Variants in DAB1 observed in about 807,000 individuals in gnomAD.
DAB1 encodes disabled homolog 1.
In DAB1, 15 loss-of-function variants were observed where a neutral mutation model predicts 64.6. That is an observed-to-expected ratio of 0.23 (90% CI 0.16 to 0.36). The LOEUF is 0.36. Ranked by LOEUF, DAB1 falls within the 10% of genes least tolerant of loss-of-function variation. The pLI is 1.00. For missense variants in DAB1, 596 were observed against 706.7 expected, an observed-to-expected ratio of 0.84 and a Z score of 1.78; for synonymous variants, 235 against 251.9, an observed-to-expected ratio of 0.93 and a Z score of 0.64.
chr1:57,433,068 A>T (rs1311248455), intron 7 of DAB1, among the ~76,000 whole-genome samples: 1 of 152,192 alleles, frequency 6.6e-6, no homozygotes, highest in Admixed American at 6.5e-5. Context: ...ACTAAAGAAG[A>T]TCCAAATAAA....
At chr1:58,492,408 C>G (rs1410422676) in intron 3 of DAB1, among the ~76,000 whole-genome samples, 1 of 147,090 alleles carries the variant, frequency 6.8e-6, no homozygotes, top group African/African-American at 2.5e-5. Context: ...AAGAAAATAA[C>G]TAAGATCAGA....
intron 7 of DAB1, among the ~76,000 whole-genome samples, chr1:57,559,993 A>G (rs1053848486): frequency 1.3e-5 from 2 of 152,216 alleles, no homozygotes; most frequent in African/African-American, 4.8e-5. Flanking sequence ...ACAGTGGATT[A>G]TTGTAAGCTT....
At chr1:58,535,810 T>C (rs912980899) in intron 1 of DAB1, among the ~76,000 whole-genome samples, 1 of 152,122 alleles carries the variant, frequency 6.6e-6, no homozygotes, top group African/African-American at 2.4e-5. Flanking sequence ...GTAAGACTTC[T>C]AAATTATAAC....
intron 6 of DAB1, among the ~76,000 whole-genome samples, chr1:57,682,747 G>C (rs1353687482): frequency 6.6e-6 from 1 of 152,120 alleles, no homozygotes. Context: ...TTTGTGTGGG[G>C]GGAAGCTCCA....
chr1:57,374,253 C>T (rs565671319), intron 1 of DAB1, among the ~76,000 whole-genome samples: 37 of 152,254 alleles, frequency 2.4e-4, no homozygotes, highest in African/African-American at 7.2e-4. Context: ...ATAAACAAAA[C>T]ATCTTAAGAA....
At chr1:57,890,460 T>C (rs1209535276) in intron 5 of DAB1, among the ~76,000 whole-genome samples, 2 of 150,742 alleles carry the variant, frequency 1.3e-5, no homozygotes, top group Non-Finnish European at 3.0e-5. Context: ...TCTTTTCTTT[T>C]TTTTTTTTTT....
At chr1:57,522,846 G>A (rs570563799) in intron 7 of DAB1, among the ~76,000 whole-genome samples, 164 of 152,342 alleles carry the variant, frequency 1.1e-3, no homozygotes, top group Non-Finnish European at 1.8e-3. Flanking sequence ...TAGATTGGCT[G>A]AGTCTTCCGG....
At chr1:57,289,393 G>A (rs114983514) in intron 2 of DAB1, among the ~76,000 whole-genome samples, 3,849 of 152,190 alleles carry the variant, frequency 0.025, 158 homozygotes, top group African/African-American at 0.088. Context: ...TGGGCTCTGC[G>A]ACCTCTTTTT....
intron 6 of DAB1, among the ~76,000 whole-genome samples, chr1:57,698,600 C>A (rs958989083): frequency 6.6e-6 from 1 of 152,064 alleles, no homozygotes; most frequent in African/African-American, 2.4e-5. Flanking sequence ...AATCAACCTG[C>A]AATAATTGTT....
chr1:57,769,007 G>C (rs1376220276), intron 6 of DAB1, among the ~76,000 whole-genome samples: 1 of 152,006 alleles, frequency 6.6e-6, no homozygotes, highest in Non-Finnish European at 1.5e-5. Flanking sequence ...CCCTTCATCT[G>C]GGCTCACTTT....
At chr1:58,344,631 T>G (rs1365150258) in intron 3 of DAB1, among the ~76,000 whole-genome samples, 1 of 152,168 alleles carries the variant, frequency 6.6e-6, no homozygotes, top group Non-Finnish European at 1.5e-5. Flanking sequence ...ACTCTGCATA[T>G]CAAGAAGAAA....
At chr1:58,201,917 A>G (rs1186436893) in intron 4 of DAB1, among the ~76,000 whole-genome samples, 2 of 152,280 alleles carry the variant, frequency 1.3e-5, no homozygotes, top group African/African-American at 4.8e-5. Context: ...AGAGTATGGC[A>G]GTGAGGAGTG....
At chr1:57,569,905 T>C (rs1042619926) in intron 7 of DAB1, among the ~76,000 whole-genome samples, 6 of 152,308 alleles carry the variant, frequency 3.9e-5, no homozygotes, top group African/African-American at 1.4e-4. Flanking sequence ...AGGATAGTTG[T>C]ATTATGTTAG....
chr1:58,126,690 G>T (rs377521691), intron 5 of DAB1, among the ~76,000 whole-genome samples: 34 of 144,332 alleles, frequency 2.4e-4, no homozygotes, highest in Admixed American at 9.0e-4. Context: ...TTCCCACCTA[G>T]GAGTGAGAAT....
chr1:57,952,143 G>T lies in DAB1; in HGVS notation n.388-67981C>A, dbSNP rs114127614. Among the ~76,000 whole-genome samples, 16 of 151,626 alleles carry T rather than the reference G, an allele frequency of 1.1e-4. No individual in the cohort carries two copies. The South Asian group carries it at 3.3e-3, about 32-fold the overall frequency. On this transcript the variant is annotated intron_variant and non_coding_transcript_variant, in intron 5 of 20. Coordinates refer to the DAB1 transcript ENST00000485760. ...TTTTTTTTTCTTTGCCTCCAGGAAC[G>T]ACCACATGAATAAGTTCTGAACAAT...
chr1:58,454,165 A>G (rs987808368), intron 3 of DAB1, among the ~76,000 whole-genome samples: 1 of 152,190 alleles, frequency 6.6e-6, no homozygotes, highest in Non-Finnish European at 1.5e-5. Flanking sequence ...AATTGGATAA[A>G]GAACGGGATC....
chr1:57,811,607 G>T (rs1196524133), intron 6 of DAB1, among the ~76,000 whole-genome samples: 1 of 152,170 alleles, frequency 6.6e-6, no homozygotes, highest in African/African-American at 2.4e-5. Context: ...ATGTGGGAAT[G>T]GACGAATGCA....
At chr1:57,377,940 G>T (rs3909558) in intron 1 of DAB1, among the ~76,000 whole-genome samples, 1 of 151,810 alleles carries the variant, frequency 6.6e-6, no homozygotes, top group Non-Finnish European at 1.5e-5. Context: ...GGACTGTGAC[G>T]TCTGGTGGAG....
intron 2 of DAB1, among the ~76,000 whole-genome samples, chr1:57,259,240 G>A (rs570150530): frequency 6.6e-6 from 1 of 152,236 alleles, no homozygotes; most frequent in Admixed American, 6.5e-5. Flanking sequence ...AAGACCAGCT[G>A]GGGAGAGAGA....
Sources: allele counts gnomAD v4.1 joint callset (sites outside exome capture counted in the v4.1 genomes callset), GRCh38; gene constraint gnomAD v4.1.1; transcripts MANE v1.5; gene names NCBI Gene and HGNC (gene_info 2026-07-23, HGNC 2026-07-21).